The following DDX50 variants were observed in gnomAD, a reference collection of about 807,000 sequenced individuals.
DDX50 encodes the protein DExD-box helicase 50, also known as ATP-dependent RNA helicase DDX50.
Under a neutral mutation model 94.8 loss-of-function variants are expected in DDX50, and 56 were observed. That is an observed-to-expected ratio of 0.59 (90% confidence interval 0.48 to 0.74). The LOEUF is 0.74. DDX50 is among the 30% of genes least tolerant of loss of function. DDX50 has a pLI of 0.00. For missense variants in DDX50, 713 were observed against 881.2 expected (o/e 0.81, Z 2.42); for synonymous variants, 264 against 295.4 (o/e 0.89, Z 1.09).
chr10:68,918,428 C>CTTTTTTTTT, intron 7 of DDX50, among the ~76,000 whole-genome samples: 1 of 57,032 alleles, frequency 1.8e-5, no homozygotes, highest in Non-Finnish European at 3.1e-5. Flanking sequence ...CCATTCCCTC[C>CTTTTTTTTT]TTTTTTTTTT....
intron 3 of DDX50, among the ~76,000 whole-genome samples, chr10:68,910,592 G>A (rs747857927): frequency 1.3e-5 from 2 of 152,108 alleles, no homozygotes; most frequent in Admixed American, 1.3e-4. Flanking sequence ...TAGTAGAGAC[G>A]CAGTTTCACT....
At chr10:68,908,764 C>T (rs572539201) in intron 2 of DDX50, among the ~76,000 whole-genome samples, 9 of 151,446 alleles carry the variant, frequency 5.9e-5, no homozygotes, top group African/African-American at 1.7e-4. Context: ...ACCTCAGCCT[C>T]CTGAGTAGCT....
intron 8 of DDX50, among the ~76,000 whole-genome samples, chr10:68,922,728 G>T (rs1364000105): frequency 6.6e-6 from 1 of 151,992 alleles, no homozygotes; most frequent in Non-Finnish European, 1.5e-5. Context: ...AGGAGCTAGA[G>T]GTTACAATGA....
intron 7 of DDX50, among the ~76,000 whole-genome samples, chr10:68,918,409 A>G (rs1472362457): frequency 6.8e-6 from 1 of 147,880 alleles, no homozygotes; most frequent in Admixed American, 6.8e-5. Context: ...ACCGTTAAAC[A>G]GTTACTCTCC....
At chr10:68,910,694 G>A (rs904103290) in intron 3 of DDX50, among the ~76,000 whole-genome samples, 5 of 152,142 alleles carry the variant, frequency 3.3e-5, no homozygotes, top group Admixed American at 2.6e-4. Flanking sequence ...AGCCACCACG[G>A]CTGGCCCAAA....
chr10:68,913,302 C>T lies in DDX50; in HGVS notation c.757+23C>T, dbSNP rs140479713. 6.1e-5 allele frequency: 98 copies of T among 1,603,620 alleles called. No homozygotes were observed. The African/African-American group carries it at 7.0e-4, about 11-fold the overall frequency. On this transcript the variant is annotated intron_variant, in intron 5 of 14. Coordinates refer to ENST00000373585, the MANE Select transcript of DDX50 (RefSeq NM_024045.2). ...AAAGTGAGTAAATATGTTTGATAGA[C>T]GTGCAAAGGCATATTTGATACTCAT...
intron 8 of DDX50, among the ~76,000 whole-genome samples, chr10:68,929,292 C>CCTTCCTTCCTTT (rs1554836333): frequency 8.2e-6 from 1 of 122,546 alleles, no homozygotes; most frequent in African/African-American, 3.1e-5. Context: ...TTCCTTCCTT[C>CCTTCCTTCCTTT]CTCTCTCTCT....
intron 4 of DDX50, 38 bp downstream of exon 4, chr10:68,911,284 C>G (rs770433167): frequency 6.9e-7 from 1 of 1,456,092 alleles, no homozygotes; most frequent in African/African-American, 1.4e-5. Flanking sequence ...AAATGTTACT[C>G]TAACAGAAAG....
Position 68,943,207 on chromosome 10 carries a change from T to C in DDX50, c.1891-6T>C, listed in dbSNP as rs1446884080. The C allele has an allele frequency of 1.2e-6, 2 of 1,606,626 alleles. No individual in the cohort carries two copies. The highest frequency in any genetic ancestry group is 3.4e-5 in the Admixed American group (2 of 58,424). ...TTTAAAATGTTTTGCTTTGTTTTGC[T>C]TTTAGGGTGTTTGCTTTGATGTTCC... On this transcript the variant is annotated splice_region_variant and splice_polypyrimidine_tract_variant and intron_variant, in intron 13 of 14. Coordinates refer to ENST00000373585, the MANE Select transcript of DDX50 (RefSeq NM_024045.2).
intron 4 of DDX50, 26 bp from the exon 5 acceptor site, chr10:68,913,136 T>G: frequency 6.4e-7 from 1 of 1,557,596 alleles, no homozygotes; most frequent in Non-Finnish European, 8.7e-7. Context: ...AAAAGTATCT[T>G]TTTGTTTTTT....
At chr10:68,941,746 TCTC>T (rs1398589404) in intron 13 of DDX50, among the ~76,000 whole-genome samples, 2 of 152,108 alleles carry the variant, frequency 1.3e-5, no homozygotes, top group African/African-American at 4.8e-5. Flanking sequence ...TTCAAGCAGT[TCTC>T]CTGCCTCAGC....
intron 13 of DDX50, 44 bp from the exon 14 acceptor site, chr10:68,943,169 C>T: frequency 6.3e-7 from 1 of 1,584,034 alleles, no homozygotes; most frequent in Non-Finnish European, 8.6e-7. Flanking sequence ...AAAATCTACA[C>T]ATATGCATCT....
At chr10:68,919,469 A>G (rs1055703132) in intron 7 of DDX50, among the ~76,000 whole-genome samples, 1 of 152,122 alleles carries the variant, frequency 6.6e-6, no homozygotes, top group African/African-American at 2.4e-5. Flanking sequence ...TTTTTCTTCC[A>G]CAATTGATTG....
chr10:68,927,131 C>T (rs751356673), intron 8 of DDX50, among the ~76,000 whole-genome samples: 4 of 152,004 alleles, frequency 2.6e-5, no homozygotes, highest in Non-Finnish European at 4.4e-5. Flanking sequence ...AGGCTGGTCT[C>T]GAACTCTTAG....
intron 8 of DDX50, among the ~76,000 whole-genome samples, chr10:68,928,251 G>A (rs1254116180): frequency 6.6e-6 from 1 of 152,148 alleles, no homozygotes; most frequent in African/African-American, 2.4e-5. Flanking sequence ...AGGAGGTCGA[G>A]GCTACAGTGA....
At chr10:68,930,042 T>TCTTC (rs1176073447) in intron 8 of DDX50, among the ~76,000 whole-genome samples, 13 of 148,348 alleles carry the variant, frequency 8.8e-5, no homozygotes, top group East Asian at 3.9e-4. Flanking sequence ...CTGGTCCCTT[T>TCTTC]CTTCCTTCCT....
chr10:68,903,004 A>G (rs574799914), intron 1 of DDX50, among the ~76,000 whole-genome samples: 1 of 152,230 alleles, frequency 6.6e-6, no homozygotes, highest in African/African-American at 2.4e-5. Flanking sequence ...TGGCTTTCAC[A>G]TTGTAAATTC....
intron 8 of DDX50, among the ~76,000 whole-genome samples, chr10:68,928,181 G>A (rs1842139061): frequency 6.6e-6 from 1 of 151,956 alleles, no homozygotes; most frequent in South Asian, 2.1e-4. Context: ...TAGGTGTGGT[G>A]GGACACACCT....
chr10:68,929,451 G>C (rs1195914886), intron 8 of DDX50, among the ~76,000 whole-genome samples: 1 of 139,124 alleles, frequency 7.2e-6, no homozygotes, highest in Non-Finnish European at 1.5e-5. Context: ...TCCAGATGGA[G>C]TTTCACTCTT....
Sources: allele counts gnomAD v4.1 joint callset (sites outside exome capture counted in the v4.1 genomes callset), GRCh38; gene constraint gnomAD v4.1.1; transcripts MANE v1.5; gene names NCBI Gene and HGNC (gene_info 2026-07-23, HGNC 2026-07-21).